Variants in COL24A1 observed in about 807,000 individuals in gnomAD.
COL24A1 encodes the protein collagen alpha-1(XXIV) chain.
Under a neutral mutation model 253.9 loss-of-function variants are expected in COL24A1, and 224 were observed. That is an observed-to-expected ratio of 0.88 (90% CI 0.79 to 0.99). The LOEUF is 0.99. Among genes scored for constraint, COL24A1 ranks in the 50% least tolerant of loss-of-function variants. COL24A1 has a pLI of 0.00. For missense variants in COL24A1, 2,131 were observed against 2,068.5 expected (o/e 1.03, Z -0.59); for synonymous variants, 685 against 673.7 (o/e 1.02, Z -0.26).
At chr1:86,088,038 A>G (rs1208041017) in intron 7 of COL24A1, among the ~76,000 whole-genome samples, 1 of 152,204 alleles carries the variant, frequency 6.6e-6, no homozygotes, top group Non-Finnish European at 1.5e-5. Flanking sequence ...TATTTCCAAA[A>G]CCAGATAAAT....
At chr1:85,830,962 T>A (rs1057421041) in intron 43 of COL24A1, among the ~76,000 whole-genome samples, 1 of 152,118 alleles carries the variant, frequency 6.6e-6, no homozygotes, top group East Asian at 1.9e-4. Flanking sequence ...ATATTTATTC[T>A]TACAGCAAAG....
intron 57 of COL24A1, among the ~76,000 whole-genome samples, chr1:85,743,423 T>C (rs1451571628): frequency 1.3e-5 from 2 of 152,180 alleles, no homozygotes; most frequent in South Asian, 2.1e-4. Flanking sequence ...CACATTCTCA[T>C]AGATGCCTTA....
intron 14 of COL24A1, among the ~76,000 whole-genome samples, chr1:86,031,462 C>A (rs564838038): frequency 1.3e-5 from 2 of 151,908 alleles, no homozygotes; most frequent in African/African-American, 2.4e-5. Context: ...CAAATTTGAT[C>A]ATTACACATT....
chr1:85,780,981 T>G (rs1669080983), intron 52 of COL24A1, among the ~76,000 whole-genome samples: 1 of 152,158 alleles, frequency 6.6e-6, no homozygotes, highest in Admixed American at 6.6e-5. Context: ...ACTCTCCCCT[T>G]CCTGACTCAG....
chr1:86,058,663 G>A lies in COL24A1; in HGVS notation c.1806+458C>T, dbSNP rs184155636. 3.1e-3 allele frequency among the ~76,000 whole-genome samples: 475 copies of A among 151,896 alleles called. 2 individuals carry two copies. Among genetic ancestry groups the A allele is most frequent in the African/African-American group, 0.011 (462 of 41,542 alleles). On this transcript the variant is annotated intron_variant, in intron 9 of 59. Coordinates refer to ENST00000370571, the MANE Select transcript of COL24A1 (RefSeq NM_152890.7). ...GGAATACATTTAAAATGATTAGAATGCATTTTAAAAATAGTATACAAATAA... is the reference window on the plus strand; with the variant it reads ...GGAATACATTTAAAATGATTAGAATACATTTTAAAAATAGTATACAAATAA...
At chr1:86,038,500 C>G (rs1054532444) in intron 12 of COL24A1, among the ~76,000 whole-genome samples, 1 of 151,964 alleles carries the variant, frequency 6.6e-6, no homozygotes, top group African/African-American at 2.4e-5. Context: ...TTCTCTGAAG[C>G]CTAAACATTA....
chr1:85,856,649 T>C (rs1678468893), intron 37 of COL24A1, among the ~76,000 whole-genome samples: 1 of 152,092 alleles, frequency 6.6e-6, no homozygotes, highest in Non-Finnish European at 1.5e-5. Flanking sequence ...AGTCTCTAAA[T>C]CCCTCCTCCT....
At chr1:86,107,451 C>A (rs1434410995) in intron 5 of COL24A1, among the ~76,000 whole-genome samples, 1 of 152,102 alleles carries the variant, frequency 6.6e-6, no homozygotes, top group East Asian at 1.9e-4. Context: ...CTAAGAAAAT[C>A]GGTTTCACAA....
At chr1:85,797,928 C>T (rs1194255340) in intron 47 of COL24A1, among the ~76,000 whole-genome samples, 2 of 152,294 alleles carry the variant, frequency 1.3e-5, no homozygotes, top group Admixed American at 6.5e-5. Context: ...CATGGTGGCT[C>T]ATGCCTGCAA....
chr1:85,909,937 A>T lies in COL24A1; in HGVS notation c.2670+13T>A. 6.2e-7 allele frequency: 1 copy of T among 1,604,426 alleles called. No homozygotes were observed. The highest frequency in any genetic ancestry group is 8.5e-7 in the Non-Finnish European group (1 of 1,171,726). On this transcript the variant is annotated intron_variant, in intron 26 of 59. Transcript: ENST00000370571. The stretch of plus-strand genomic sequence containing the variant: ...TCTTTGGAAACATATTTTTCAAATC[A>T]CTGAGCTCTTACCATAACACCTTTT...
At chr1:86,131,720 C>T (rs894122715) in intron 2 of COL24A1, among the ~76,000 whole-genome samples, 32 of 152,064 alleles carry the variant, frequency 2.1e-4, no homozygotes, top group African/African-American at 7.5e-4. Context: ...CATGGTATTC[C>T]ATGGTGTATG....
intron 24 of COL24A1, among the ~76,000 whole-genome samples, chr1:85,955,717 T>A (rs923477634): frequency 1.3e-5 from 2 of 152,158 alleles, no homozygotes; most frequent in African/African-American, 4.8e-5. Flanking sequence ...GGAAATAAAA[T>A]AAAACCAACA....
intron 12 of COL24A1, among the ~76,000 whole-genome samples, chr1:86,037,294 T>C (rs1437345954): frequency 1.3e-5 from 2 of 152,202 alleles, no homozygotes; most frequent in East Asian, 3.8e-4. Context: ...TATGACTTGC[T>C]TCATCTAACA....
At chr1:86,023,570 T>C (rs1223388997) in intron 14 of COL24A1, among the ~76,000 whole-genome samples, 2 of 152,150 alleles carry the variant, frequency 1.3e-5, no homozygotes, top group African/African-American at 2.4e-5. Flanking sequence ...TTATTCATCA[T>C]TTAATATTTA....
chr1:85,996,710 A>G (rs887390633), intron 19 of COL24A1, among the ~76,000 whole-genome samples: 10 of 152,128 alleles, frequency 6.6e-5, no homozygotes, highest in Admixed American at 1.3e-4. Flanking sequence ...CGTAGTTACT[A>G]TGTATCAGGC....
At chr1:85,997,019 G>A (rs9725376) in intron 19 of COL24A1, among the ~76,000 whole-genome samples, 1 of 76,660 alleles carries the variant, frequency 1.3e-5, no homozygotes, top group African/African-American at 5.3e-5. Flanking sequence ...ATATATATAT[G>A]TGTGTGTGTA....
At chr1:86,063,911 ATCT>A (rs768425759) in intron 7 of COL24A1, 152 bp from the exon 8 acceptor site, 34 of 373,002 alleles carry the variant, frequency 9.1e-5, no homozygotes, top group African/African-American at 6.3e-4. Context: ...ATTAAATTTA[ATCT>A]TCTTTATTTA....
intron 2 of COL24A1, among the ~76,000 whole-genome samples, chr1:86,137,288 A>T (rs913834907): frequency 2.0e-5 from 3 of 152,174 alleles, no homozygotes; most frequent in Non-Finnish European, 4.4e-5. Flanking sequence ...TTACATTTTT[A>T]AAAAATAAGA....
At chr1:85,782,732 CCT>C (rs1669265228) in intron 51 of COL24A1, among the ~76,000 whole-genome samples, 1 of 152,106 alleles carries the variant, frequency 6.6e-6, no homozygotes, top group South Asian at 2.1e-4. Flanking sequence ...TTCCCTTTTT[CCT>C]CTCTCTGCTC....
Sources: gnomAD v4.1 joint callset for allele counts (sites outside exome capture counted in the v4.1 genomes callset) on GRCh38, gnomAD v4.1.1 for gene constraint, MANE v1.5 for transcripts, NCBI Gene and HGNC (gene_info 2026-07-23, HGNC 2026-07-21) for gene names.